ULK4: variants seen among roughly 807,000 people sequenced by gnomAD.
ULK4 encodes the protein unc-51 like kinase 4.
A neutral mutation model predicts 160.6 loss-of-function variants in ULK4; 133 were observed. The ratio of observed to expected loss-of-function variants is 0.83; its 90% CI spans 0.72 to 0.96. The LOEUF is 0.96. Among genes scored for constraint, ULK4 ranks in the 40% least tolerant of loss-of-function variants. The pLI, the probability that ULK4 is intolerant of heterozygous loss-of-function variation, is 0.00. For synonymous variants in ULK4, 534 were observed against 539.8 expected (o/e 0.99, Z 0.15); for missense variants, 1,580 against 1,499.5 (o/e 1.05, Z -0.89).
At chr3:41,845,254 G>A (rs373817868) in intron 17 of ULK4, among the ~76,000 whole-genome samples, 15 of 152,204 alleles carry the variant, frequency 9.9e-5, no homozygotes, top group South Asian at 8.3e-4. Flanking sequence ...GTGAGCCACC[G>A]CAGCCGGCCG....
At chr3:41,736,612 G>T (rs1378007695) in intron 22 of ULK4, among the ~76,000 whole-genome samples, 1 of 151,216 alleles carries the variant, frequency 6.6e-6, no homozygotes, top group Admixed American at 6.6e-5. Context: ...AGATGAGTAG[G>T]TTGCAAAAAT....
chr3:41,626,165 G>A (rs2033495563), intron 30 of ULK4, among the ~76,000 whole-genome samples: 3 of 152,094 alleles, frequency 2.0e-5, no homozygotes, highest in African/African-American at 7.2e-5. Flanking sequence ...AGGAGGTAGT[G>A]TTTCAATTAC....
chr3:41,357,747 T>C (rs531072616), intron 35 of ULK4, among the ~76,000 whole-genome samples: 1 of 152,284 alleles, frequency 6.6e-6, no homozygotes, highest in South Asian at 2.1e-4. Context: ...CCCCTCCCAC[T>C]TACGCTGTAC....
At position 41,729,138 on chromosome 3, in the gene ULK4, A is replaced by T. The variant is rs2037743479; in HGVS notation, c.2322-11277T>A. Among the ~76,000 whole-genome samples the T allele has an allele frequency of 2.0e-5, 3 of 152,170 alleles. No homozygotes were observed. In the South Asian group the frequency reaches 6.2e-4, roughly 32 times the overall value. The stretch of plus-strand genomic sequence containing the variant: ...AGTGGCAGAGACACCATGGAACATG[A>T]AGACTCAGGATGACTATATTGAGAA... On this transcript the variant is annotated intron_variant, in intron 22 of 36. Transcript: ENST00000301831.
chr3:41,642,035 C>A (rs1394082586), intron 30 of ULK4, among the ~76,000 whole-genome samples: 4 of 151,972 alleles, frequency 2.6e-5, no homozygotes, highest in African/African-American at 9.7e-5. Flanking sequence ...GCAACCACGT[C>A]TAGCTAATTT....
intron 34 of ULK4, among the ~76,000 whole-genome samples, chr3:41,440,330 A>G (rs533179534): frequency 1.3e-5 from 2 of 152,292 alleles, no homozygotes; most frequent in East Asian, 3.9e-4. Context: ...TGCTAACTGT[A>G]GATTTTTCAG....
At chr3:41,374,060 A>G (rs149802596) in intron 35 of ULK4, among the ~76,000 whole-genome samples, 2,313 of 152,316 alleles carry the variant, frequency 0.015, 63 homozygotes, top group African/African-American at 0.051. Context: ...ATTCCTGGAC[A>G]CATACACCCT....
At chr3:41,306,759 G>C (rs1046495528) in intron 35 of ULK4, among the ~76,000 whole-genome samples, 3 of 151,770 alleles carry the variant, frequency 2.0e-5, no homozygotes, top group Non-Finnish European at 4.4e-5. Flanking sequence ...TGTCTGTGTA[G>C]AAAGAAGTAA....
intron 32 of ULK4, among the ~76,000 whole-genome samples, chr3:41,507,078 T>A (rs1045118343): frequency 2.0e-5 from 3 of 149,002 alleles, no homozygotes; most frequent in Non-Finnish European, 3.0e-5. Context: ...AATTATATTA[T>A]TCAGTTTTAA....
chr3:41,627,204 G>C (rs1051383401), intron 30 of ULK4, among the ~76,000 whole-genome samples: 1 of 152,118 alleles, frequency 6.6e-6, no homozygotes, highest in Admixed American at 6.6e-5. Flanking sequence ...TATTTATTCA[G>C]AGAGCAGAGG....
intron 25 of ULK4, 49 bp downstream of exon 25, chr3:41,715,188 G>C (rs748756198): frequency 7.7e-6 from 12 of 1,561,862 alleles, no homozygotes; most frequent in Non-Finnish European, 1.1e-5. Context: ...ACAAACAGTA[G>C]AGGAAGTCAC....
chr3:41,882,654 A>G (rs1156589283), intron 17 of ULK4, among the ~76,000 whole-genome samples: 1 of 152,216 alleles, frequency 6.6e-6, no homozygotes, highest in Non-Finnish European at 1.5e-5. Flanking sequence ...TTAATTCAAC[A>G]GTCATATTTC....
chr3:41,636,698 T>G (rs1021739231), intron 30 of ULK4, among the ~76,000 whole-genome samples: 1 of 152,114 alleles, frequency 6.6e-6, no homozygotes, highest in African/African-American at 2.4e-5. Context: ...GCTGGTGCGC[T>G]GCACCCATTA....
chr3:41,716,216 A>AAATAATAATAAC (rs1553639054), intron 23 of ULK4, among the ~76,000 whole-genome samples: 4 of 139,258 alleles, frequency 2.9e-5, no homozygotes, highest in African/African-American at 1.1e-4. Context: ...CTGTCTCACA[A>AAATAATAATAAC]AATAATAATA....
intron 30 of ULK4, among the ~76,000 whole-genome samples, chr3:41,644,512 T>C (rs1281919837): frequency 6.6e-6 from 1 of 152,234 alleles, no homozygotes. Context: ...TTTGTGTATA[T>C]TGAACCAGCC....
chr3:41,545,896 TTTTTG>T (rs1352821099), intron 32 of ULK4, among the ~76,000 whole-genome samples: 4 of 152,182 alleles, frequency 2.6e-5, no homozygotes, highest in African/African-American at 4.8e-5. Flanking sequence ...CCAGGTAATT[TTTTTG>T]TTTTAAGTAC....
intron 35 of ULK4, among the ~76,000 whole-genome samples, chr3:41,390,491 C>A (rs1044451030): frequency 4.6e-5 from 7 of 152,084 alleles, no homozygotes; most frequent in African/African-American, 1.7e-4. Context: ...CCTGCTTTCT[C>A]TTACGGGCAT....
In ULK4 at chr3:41,918,466, T is replaced by C; in HGVS notation, c.718A>G (p.Ile240Val). The change falls in exon 7 of 37, where the codon ATT becomes GTT. Residue 240 changes from isoleucine (I) to valine (V), a missense_variant. Ile to Val is a conservative substitution (Grantham distance 29). Coordinates refer to ENST00000301831, the MANE Select transcript of ULK4 (RefSeq NM_017886.4). Reference sequence around the variant, plus strand: ...TCATAAGAAATCTTACCTTTCGGAATAGGTGGCAAAGGATCTTCACATAAG... The same window carrying C: ...TCATAAGAAATCTTACCTTTCGGAACAGGTGGCAAAGGATCTTCACATAAG... ...KILCEDPLPP[I>V]PKDSSRPKAS... The C allele has an allele frequency of 1.3e-6, 2 of 1,578,536 alleles. No individual in the cohort carries two copies. Among genetic ancestry groups the C allele is most frequent in the East Asian group, 2.3e-5 (1 of 44,124 alleles).
intron 35 of ULK4, among the ~76,000 whole-genome samples, chr3:41,343,017 C>T (rs201993804): frequency 6.6e-6 from 1 of 152,094 alleles, no homozygotes; most frequent in South Asian, 2.1e-4. Flanking sequence ...ATTGAAGGAA[C>T]ATACCTCAAA....
Sources: allele counts gnomAD v4.1 joint callset (sites outside exome capture counted in the v4.1 genomes callset), GRCh38; gene constraint gnomAD v4.1.1; transcripts MANE v1.5; gene names NCBI Gene and HGNC (gene_info 2026-07-23, HGNC 2026-07-21).